Variants in MATCAP2 observed in about 807,000 individuals in gnomAD.
The protein encoded by MATCAP2 is microtubule associated tyrosine carboxypeptidase 2, also known as putative tyrosine carboxypeptidase MATCAP2.
the MATCAP2 span, chr7:36,389,844 T>G: frequency 1.6e-5 from 18 of 1,141,466 alleles, no homozygotes; most frequent in Middle Eastern, 5.4e-4. Flanking sequence ...AATTCAAATT[T>G]GAACGGCTGC....
At chr7:36,376,683 C>T in the MATCAP2 span, among the ~76,000 whole-genome samples, 11 of 152,234 alleles carry the variant, frequency 7.2e-5, no homozygotes, top group Non-Finnish European at 8.8e-5. Context: ...CTAATATTGA[C>T]AGTGGGGTGT....
At chr7:36,335,224 A>C in the MATCAP2 span, 40 of 1,566,302 alleles carry the variant, frequency 2.6e-5, no homozygotes, top group Non-Finnish European at 3.1e-5. Flanking sequence ...CAAAACATAA[A>C]GGTAAGGGGA....
At chr7:36,389,820 C>T in the MATCAP2 span, 2 of 939,828 alleles carry the variant, frequency 2.1e-6, no homozygotes, top group East Asian at 2.8e-5. Flanking sequence ...CGCATGCTCG[C>T]GGCTCGGCGC....
At chr7:36,365,704 C>T in the MATCAP2 span, among the ~76,000 whole-genome samples, 1 of 152,128 alleles carries the variant, frequency 6.6e-6, no homozygotes, top group Admixed American at 6.5e-5. Context: ...GTCTCAAAAA[C>T]AACAACAACA....
At chr7:36,382,210 G>A in the MATCAP2 span, among the ~76,000 whole-genome samples, 44 of 148,712 alleles carry the variant, frequency 3.0e-4, 1 homozygote, top group African/African-American at 1.0e-3. Context: ...GGGAGGCTGA[G>A]GCAGGAGAAT....
At chr7:36,356,010 G>A in the MATCAP2 span, 2 of 152,166 alleles carry the variant, frequency 1.3e-5, no homozygotes, top group East Asian at 3.8e-4. Context: ...TGCTAAACTT[G>A]AAGATAATTT....
chr7:36,380,545 A>C, the MATCAP2 span, among the ~76,000 whole-genome samples: 1 of 152,198 alleles, frequency 6.6e-6, no homozygotes, highest in African/African-American at 2.4e-5. Flanking sequence ...GAATGGTATT[A>C]AAATAGTTTC....
the MATCAP2 span, among the ~76,000 whole-genome samples, chr7:36,352,537 GACAGTATGGGCCGGGC>G: frequency 4.7e-5 from 7 of 148,644 alleles, no homozygotes; most frequent in Non-Finnish European, 1.0e-4. Context: ...TTATTAGAAA[GACAGTATGGGCCGGGC>G]ACGGTGGCTC....
the MATCAP2 span, chr7:36,356,609 A>G: frequency 1.9e-6 from 1 of 539,192 alleles, no homozygotes; most frequent in Non-Finnish European, 3.3e-6. Flanking sequence ...ATTGGCCACA[A>G]GTTTGTAACT....
At chr7:36,374,424 T>A in the MATCAP2 span, among the ~76,000 whole-genome samples, 1 of 152,176 alleles carries the variant, frequency 6.6e-6, no homozygotes, top group African/African-American at 2.4e-5. Context: ...ATGATTTATG[T>A]TTTTAAAAGC....
the MATCAP2 span, among the ~76,000 whole-genome samples, chr7:36,384,397 C>A: frequency 6.6e-6 from 1 of 152,138 alleles, no homozygotes; most frequent in Non-Finnish European, 1.5e-5. Context: ...TTAGGCCAAT[C>A]CCTTAGCCTC....
chr7:36,367,095 G>A, the MATCAP2 span: 1 of 1,249,858 alleles, frequency 8.0e-7, no homozygotes, highest in Non-Finnish European at 1.0e-6. Flanking sequence ...GAGGGTAAGG[G>A]CGGACGAAGA....
the MATCAP2 span, among the ~76,000 whole-genome samples, chr7:36,352,848 TGTTTGTAGTTAGTAA>T: frequency 4.7e-4 from 71 of 151,340 alleles, no homozygotes; most frequent in African/African-American, 1.6e-3. Flanking sequence ...AAAAGTATTA[TGTTTGTAGTTAGTAA>T]ATTACGACTT....
the MATCAP2 span, among the ~76,000 whole-genome samples, chr7:36,337,118 A>AAAAAAAAAAAAAAAAAAAAAAAAAC: frequency 1.4e-5 from 2 of 147,006 alleles, no homozygotes; most frequent in Non-Finnish European, 3.0e-5. Context: ...AAAAAAAAAA[A>AAAAAAAAAAAAAAAAAAAAAAAAAC]AAAAAAAGCA....
the MATCAP2 span, among the ~76,000 whole-genome samples, chr7:36,378,864 C>T: frequency 6.6e-6 from 1 of 152,246 alleles, no homozygotes; most frequent in Non-Finnish European, 1.5e-5. Context: ...GACTGCTGTG[C>T]TAGCAGTGAG....
At chr7:36,350,333 TCCA>T in the MATCAP2 span, among the ~76,000 whole-genome samples, 99 of 152,334 alleles carry the variant, frequency 6.5e-4, no homozygotes, top group East Asian at 8.3e-3. Flanking sequence ...AATTGCCTAT[TCCA>T]TTCACACTAT....
chr7:36,365,730 C>T, the MATCAP2 span, among the ~76,000 whole-genome samples: 1 of 152,240 alleles, frequency 6.6e-6, no homozygotes, highest in Admixed American at 6.5e-5. Flanking sequence ...GTTAATGGTG[C>T]GGAGGTTGAG....
At chr7:36,329,124 CTATTAA>C in the MATCAP2 span, among the ~76,000 whole-genome samples, 1 of 145,856 alleles carries the variant, frequency 6.9e-6, no homozygotes, top group East Asian at 1.9e-4. Flanking sequence ...TAAAGTTTTA[CTATTAA>C]TATTATTTAT....
chr7:36,352,312 G>A, the MATCAP2 span, among the ~76,000 whole-genome samples: 1 of 148,138 alleles, frequency 6.8e-6, no homozygotes, highest in Non-Finnish European at 1.5e-5. Flanking sequence ...CAGGAGAATC[G>A]CTTGAACCCA....
Sources: allele counts gnomAD v4.1 joint callset (sites outside exome capture counted in the v4.1 genomes callset), GRCh38; gene constraint gnomAD v4.1.1; transcripts MANE v1.5; gene names NCBI Gene and HGNC (gene_info 2026-07-23, HGNC 2026-07-21).